CPNE3: variants seen among roughly 807,000 people sequenced by gnomAD.
CPNE3 encodes the protein copine 3, also known as copine-3.
A neutral mutation model predicts 63.9 loss-of-function variants in CPNE3; 68 were observed. That is an observed-to-expected ratio of 1.06 (90% CI 0.87 to 1.30). The LOEUF is 1.30. CPNE3 is among the 50% of genes most tolerant of loss of function. CPNE3 has a pLI of 0.00. For synonymous variants in CPNE3, 219 were observed against 197.5 expected (o/e 1.11, Z -0.91); for missense variants, 665 against 578.1 (o/e 1.15, Z -1.54).
chr8:86,544,781 C>CA lies in CPNE3; in HGVS notation c.676dup (p.Ile226AsnfsTer21). On this transcript the variant is annotated frameshift_variant, in exon 9 of 17. Coordinates refer to ENST00000517490, the MANE Select transcript of CPNE3 (RefSeq NM_003909.5). LOFTEE classifies it high-confidence loss of function. Reference sequence around the variant, plus strand: ...ATGACAATGATGGGTCACATGATCTCATTGGAACATTTCAGACCACCATGA... The same window carrying CA: ...ATGACAATGATGGGTCACATGATCTCAATTGGAACATTTCAGACCACCATGA... 6.3e-7 allele frequency: 1 copy of CA among 1,590,346 alleles called. No homozygotes were observed. The highest frequency in any genetic ancestry group is 1.4e-5 in the African/African-American group (1 of 73,728).
chr8:86,543,616 G>A (rs931283822), intron 8 of CPNE3, among the ~76,000 whole-genome samples: 4 of 151,992 alleles, frequency 2.6e-5, no homozygotes, highest in Admixed American at 6.6e-5. Flanking sequence ...TTAGCACAGC[G>A]TTACTTTACC....
intron 11 of CPNE3, 51 bp from the exon 12 acceptor site, chr8:86,548,250 A>T: frequency 6.3e-7 from 1 of 1,598,814 alleles, no homozygotes; most frequent in South Asian, 1.1e-5. Flanking sequence ...GACATCAAGC[A>T]CAGGTGTCCC....
intron 2 of CPNE3, among the ~76,000 whole-genome samples, chr8:86,517,463 A>G (rs910529230): frequency 1.3e-5 from 2 of 152,126 alleles, no homozygotes; most frequent in Admixed American, 1.3e-4. Flanking sequence ...ACGCCTTTAG[A>G]CTTCAAGGTG....
chr8:86,531,318 C>T, intron 5 of CPNE3, 89 bp downstream of exon 5: 1 of 736,958 alleles, frequency 1.4e-6, no homozygotes, highest in East Asian at 2.7e-5. Context: ...TATTCTACAG[C>T]CATGCTTTGT....
Position 86,544,947 on chromosome 8 carries a change from A to G in CPNE3, c.732+109A>G, listed in dbSNP as rs1821015975. 8 of 507,560 alleles carry G rather than the reference A, an allele frequency of 1.6e-5. No homozygotes were observed. The East Asian group carries it at 2.6e-4, about 17-fold the overall frequency. 31.4% of individuals were successfully genotyped at this position (507,560 alleles called of 1,614,324 possible). ...AAACGGTTTACTATGCTTTTAGTCT[A>G]TATTGCATAATGCTCCGAAATGTTT... On this transcript the variant is annotated intron_variant, in intron 9 of 16. Transcript: ENST00000517490.
At chr8:86,532,716 G>A (rs1222998319) in intron 6 of CPNE3, 136 bp downstream of exon 6, 2 of 680,624 alleles carry the variant, frequency 2.9e-6, no homozygotes, top group Admixed American at 2.7e-5. Context: ...TTTTGCATGT[G>A]TGTGTGTGTG....
chr8:86,548,975 A>G (rs1821115119), intron 12 of CPNE3, among the ~76,000 whole-genome samples: 1 of 152,198 alleles, frequency 6.6e-6, no homozygotes, highest in Non-Finnish European at 1.5e-5. Context: ...GGATAACTAG[A>G]TCTAATTGCT....
intron 8 of CPNE3, among the ~76,000 whole-genome samples, chr8:86,543,725 C>T (rs1028462106): frequency 2.6e-5 from 4 of 152,066 alleles, no homozygotes; most frequent in Non-Finnish European, 4.4e-5. Context: ...TAACAGGATT[C>T]CAACTCTGTC....
At chr8:86,529,235 C>T in intron 4 of CPNE3, 111 bp downstream of exon 4, 1 of 852,142 alleles carries the variant, frequency 1.2e-6, no homozygotes, top group Non-Finnish European at 1.8e-6. Flanking sequence ...CATGTAATCA[C>T]TTTAAAGACA....
intron 8 of CPNE3, among the ~76,000 whole-genome samples, 192 bp from the exon 9 acceptor site, chr8:86,544,548 G>A (rs935490479): frequency 4.6e-5 from 7 of 152,082 alleles, no homozygotes; most frequent in Non-Finnish European, 1.0e-4. Context: ...AAGGATAGCT[G>A]GGGTTTGAAA....
At position 86,550,903 on chromosome 8, in the gene CPNE3, T is replaced by C. The variant is rs1586848668; in HGVS notation, c.1014-143T>C. 8 of 751,024 alleles carry C rather than the reference T, an allele frequency of 1.1e-5. No homozygotes were observed. In the East Asian group the frequency reaches 2.0e-4, roughly 19 times the overall value. The allele number at this position is 751,024 out of a possible 1,614,324, so 46.5% of individuals were successfully genotyped here. ...GAGAGTTGTCAAATATTAACATTGA[T>C]TCTCTTTGGCAGTTAATATAGGTAA... On this transcript the variant is annotated intron_variant, in intron 12 of 16. Coordinates refer to ENST00000517490, the MANE Select transcript of CPNE3 (RefSeq NM_003909.5).
At chr8:86,555,311 A>G (rs1394908007) in intron 15 of CPNE3, among the ~76,000 whole-genome samples, 1 of 152,162 alleles carries the variant, frequency 6.6e-6, no homozygotes, top group African/African-American at 2.4e-5. Context: ...TTACCACATC[A>G]GATGCTGTTG....
intron 2 of CPNE3, among the ~76,000 whole-genome samples, chr8:86,520,777 G>GTCTTC (rs1176747461): frequency 6.7e-6 from 1 of 149,350 alleles, no homozygotes; most frequent in Admixed American, 6.7e-5. Flanking sequence ...TCCTGCCTCA[G>GTCTTC]CCTTCCAGGT....
intron 16 of CPNE3, 44 bp downstream of exon 16, chr8:86,556,382 A>G: frequency 1.2e-6 from 1 of 868,010 alleles, no homozygotes; most frequent in South Asian, 1.3e-5. Context: ...GTGACTGAAC[A>G]CAGACCTTTG....
At chr8:86,548,554 A>T in intron 12 of CPNE3, 120 bp downstream of exon 12, 1 of 1,241,294 alleles carries the variant, frequency 8.1e-7, no homozygotes, top group Non-Finnish European at 1.1e-6. Context: ...TCTCCCTAAA[A>T]TCCCCCCGTC....
chr8:86,528,217 T>C (rs1035296974), intron 2 of CPNE3, among the ~76,000 whole-genome samples: 1 of 152,140 alleles, frequency 6.6e-6, no homozygotes. Context: ...CCCAAAGTGC[T>C]GGGATTACAG....
chr8:86,541,868 T>G (rs866380763), intron 8 of CPNE3, among the ~76,000 whole-genome samples: 3 of 152,288 alleles, frequency 2.0e-5, no homozygotes, highest in Middle Eastern at 3.4e-3. Flanking sequence ...GCTATAAAAA[T>G]TATTTTTTAT....
chr8:86,547,940 TTGA>T (rs1455763165), intron 11 of CPNE3, among the ~76,000 whole-genome samples, 170 bp downstream of exon 11: 1 of 152,204 alleles, frequency 6.6e-6, no homozygotes, highest in East Asian at 1.9e-4. Flanking sequence ...CTCAGTTTTG[TTGA>T]TGAGATCTCT....
Position 86,556,297 on chromosome 8 carries a change from A to G in CPNE3, c.1450A>G (p.Arg484Gly), listed in dbSNP as rs1821325937. The change falls in exon 16 of 17, where the codon AGA becomes GGA. Residue 484 changes from arginine (R) to glycine (G), a missense_variant. Coordinates refer to ENST00000517490, the MANE Select transcript of CPNE3 (RefSeq NM_003909.5). ...LRSPLGEVAI[R>G]DIVQFVPFRQ... ...CTCCCCATTGGGCGAAGTGGCCATC[A>G]GAGATATTGTCCAGTTTGTGCCTTT... 2.3e-6 allele frequency: 2 copies of G among 872,894 alleles called. No individual in the cohort carries two copies. Among genetic ancestry groups the G allele is most frequent in the African/African-American group, 1.6e-5 (1 of 61,338 alleles). 54.1% of individuals were successfully genotyped at this position (872,894 alleles called of 1,614,324 possible).
Sources: gnomAD v4.1 joint callset for allele counts (sites outside exome capture counted in the v4.1 genomes callset) on GRCh38, gnomAD v4.1.1 for gene constraint, MANE v1.5 for transcripts, NCBI Gene and HGNC (gene_info 2026-07-23, HGNC 2026-07-21) for gene names.